The following MBD5 variants were observed in gnomAD, a reference collection of about 807,000 sequenced individuals.
MBD5 encodes methyl-CpG-binding domain protein 5.
Under a neutral mutation model 117.3 loss-of-function variants are expected in MBD5, and 13 were observed. The observed-to-expected ratio is 0.11, with a 90% CI of 0.07 to 0.18. The LOEUF is 0.18. MBD5 is among the 10% of genes least tolerant of loss of function. The pLI is 1.00. For synonymous variants in MBD5, 727 were observed against 766.4 expected, an observed-to-expected ratio of 0.95 and a Z score of 0.85; for missense variants, 1,879 against 2,093.8, an observed-to-expected ratio of 0.90 and a Z score of 2.00.
chr2:148,428,395 A>T (rs1215708746), intron 4 of MBD5, among the ~76,000 whole-genome samples: 1 of 152,230 alleles, frequency 6.6e-6, no homozygotes, highest in Non-Finnish European at 1.5e-5. Context: ...AGGAAGAATC[A>T]GTATCGTGAA....
intron 3 of MBD5, among the ~76,000 whole-genome samples, chr2:148,309,295 G>C (rs555555355): frequency 6.6e-6 from 1 of 152,254 alleles, no homozygotes; most frequent in Admixed American, 6.5e-5. Flanking sequence ...AACGTGGAAT[G>C]CTTTTCCATT....
chr2:148,154,898 C>T (rs187257646), intron 1 of MBD5, among the ~76,000 whole-genome samples: 75 of 152,296 alleles, frequency 4.9e-4, no homozygotes, highest in Non-Finnish European at 8.5e-4. Context: ...TCTTCTGCGT[C>T]GCTCACGCTG....
At chr2:148,337,681 A>C (rs1420174752) in intron 3 of MBD5, among the ~76,000 whole-genome samples, 1 of 152,184 alleles carries the variant, frequency 6.6e-6, no homozygotes, top group African/African-American at 2.4e-5. Context: ...AACCTATTAA[A>C]AAAAATAGAT....
rs148228016 is a variant in MBD5 at position 148,290,532 on chromosome 2, T to C, written c.-679-51682T>C. The stretch of plus-strand genomic sequence containing the variant: ...ACAAATTATCAGTCTCCTCATACCT[T>C]AACTGACCTTCTGTTGACTTATCAA... On this transcript the variant is annotated intron_variant, in intron 3 of 13. Coordinates refer to ENST00000642680, the MANE Select transcript of MBD5 (RefSeq NM_001378120.1). Among the ~76,000 whole-genome samples the C allele has an allele frequency of 2.1e-3, 313 of 152,242 alleles. 1 individual carries two copies. The highest frequency in any genetic ancestry group is 7.1e-3 in the African/African-American group (294 of 41,546).
At chr2:148,185,046 T>A (rs980286533) in intron 2 of MBD5, among the ~76,000 whole-genome samples, 4 of 152,232 alleles carry the variant, frequency 2.6e-5, no homozygotes, top group African/African-American at 4.8e-5. Context: ...TTTTTATAAT[T>A]ATGGTTTACT....
intron 1 of MBD5, among the ~76,000 whole-genome samples, chr2:148,170,482 G>T (rs1024894116): frequency 6.6e-6 from 1 of 152,122 alleles, no homozygotes; most frequent in Non-Finnish European, 1.5e-5. Flanking sequence ...TTCATTGACT[G>T]TTTGATTTCT....
intron 3 of MBD5, among the ~76,000 whole-genome samples, chr2:148,245,121 C>A (rs1193804393): frequency 6.6e-6 from 1 of 152,188 alleles, no homozygotes; most frequent in Admixed American, 6.5e-5. Context: ...CACTGTGGCT[C>A]ACGCCTGTAA....
At chr2:148,246,539 G>C (rs1427491924) in intron 3 of MBD5, among the ~76,000 whole-genome samples, 1 of 152,056 alleles carries the variant, frequency 6.6e-6, no homozygotes, top group East Asian at 1.9e-4. Context: ...GGGAGACTGA[G>C]GCAGGTGGAT....
chr2:148,058,107 C>T (rs1270647574), intron 1 of MBD5, among the ~76,000 whole-genome samples: 1 of 151,992 alleles, frequency 6.6e-6, no homozygotes, highest in East Asian at 1.9e-4. Context: ...CAAAATTTCT[C>T]ACCTCCCTAC....
At chr2:148,484,735 A>G (rs1325807620) in intron 9 of MBD5, among the ~76,000 whole-genome samples, 1 of 152,196 alleles carries the variant, frequency 6.6e-6, no homozygotes, top group Admixed American at 6.5e-5. Context: ...TGGCTTAAAA[A>G]TACAGTTTTT....
At chr2:148,194,952 G>C (rs1048546283) in intron 2 of MBD5, among the ~76,000 whole-genome samples, 1 of 152,050 alleles carries the variant, frequency 6.6e-6, no homozygotes, top group African/African-American at 2.4e-5. Context: ...AACTCCAGGG[G>C]TTGGCAAACT....
At chr2:148,477,279 C>T (rs1251606090) in intron 8 of MBD5, among the ~76,000 whole-genome samples, 1 of 152,100 alleles carries the variant, frequency 6.6e-6, no homozygotes, top group Non-Finnish European at 1.5e-5. Flanking sequence ...ATCCTCTTGG[C>T]CCTGTTGAGT....
chr2:148,046,225 G>A (rs916685831), intron 1 of MBD5, among the ~76,000 whole-genome samples: 4 of 151,796 alleles, frequency 2.6e-5, no homozygotes, highest in Non-Finnish European at 4.4e-5. Context: ...CTTGTGATCC[G>A]CCCACCTTGG....
chr2:148,477,473 A>G (rs1176286867), intron 8 of MBD5, among the ~76,000 whole-genome samples: 1 of 152,202 alleles, frequency 6.6e-6, no homozygotes, highest in Non-Finnish European at 1.5e-5. Flanking sequence ...TCCAGAGCAC[A>G]AAGATAGAGA....
intron 2 of MBD5, among the ~76,000 whole-genome samples, chr2:148,189,359 T>G (rs1441232227): frequency 3.3e-5 from 5 of 151,316 alleles, no homozygotes; most frequent in African/African-American, 1.2e-4. Context: ...TGTCCCTGTC[T>G]GACAGCTTTG....
In MBD5 at chr2:148,458,402, T is replaced by C; in HGVS notation, c.-357T>C. On this transcript the variant is annotated 5_prime_UTR_variant, in exon 5 of 14. Coordinates refer to ENST00000642680, the MANE Select transcript of MBD5 (RefSeq NM_001378120.1). ...AGATTGTCTTAGTACAACATCAAGG[T>C]TCAAGACAAATGTTGAACTAAAAAC... is the stretch of plus-strand genomic sequence containing the variant. 1.9e-6 allele frequency: 1 copy of C among 531,662 alleles called. No homozygotes were observed. The highest frequency in any genetic ancestry group is 3.3e-6 in the Non-Finnish European group (1 of 301,712). The allele number at this position is 531,662 out of a possible 1,614,324, so 32.9% of individuals were successfully genotyped here.
intron 4 of MBD5, among the ~76,000 whole-genome samples, chr2:148,441,261 C>T (rs1208401910): frequency 1.3e-5 from 2 of 152,082 alleles, no homozygotes; most frequent in Admixed American, 6.6e-5. Flanking sequence ...CCCCTACCCC[C>T]GACACCACCA....
At chr2:148,379,751 G>C (rs1704083320) in intron 4 of MBD5, among the ~76,000 whole-genome samples, 1 of 151,898 alleles carries the variant, frequency 6.6e-6, no homozygotes, top group Non-Finnish European at 1.5e-5. Context: ...CCAGGGGAGG[G>C]GGTATAACAG....
At chr2:148,281,451 T>C in intron 3 of MBD5, among the ~76,000 whole-genome samples, 1 of 152,154 alleles carries the variant, frequency 6.6e-6, no homozygotes, top group East Asian at 1.9e-4. Context: ...ATATTTTCTT[T>C]TAATTTTGTT....
Sources: allele counts gnomAD v4.1 joint callset (sites outside exome capture counted in the v4.1 genomes callset), GRCh38; gene constraint gnomAD v4.1.1; transcripts MANE v1.5; gene names NCBI Gene and HGNC (gene_info 2026-07-23, HGNC 2026-07-21).